ARHGAP6: variants seen among roughly 807,000 people sequenced by gnomAD.
The protein encoded by ARHGAP6 is rho GTPase-activating protein 6.
Under a neutral mutation model 55.7 loss-of-function variants are expected in ARHGAP6, and 16 were observed. That is an observed-to-expected ratio of 0.29 (90% CI 0.19 to 0.44). ARHGAP6 has a LOEUF of 0.44. Among genes scored for constraint, ARHGAP6 ranks in the 20% least tolerant of loss-of-function variants. The pLI, the probability that ARHGAP6 is intolerant of heterozygous loss-of-function variation, is 1.00. For synonymous variants in ARHGAP6, 382 were observed against 360.9 expected (o/e 1.06, Z -0.66); for missense variants, 698 against 808.9 (o/e 0.86, Z 1.66).
At chrX:11,181,008 G>A (rs2046307438) in intron 6 of ARHGAP6, among the ~76,000 whole-genome samples, 1 of 112,563 alleles carries the variant, frequency 8.9e-6, no homozygotes, top group Admixed American at 9.4e-5. Flanking sequence ...AGCCTTGACA[G>A]AAGTGGGTCA....
intron 1 of ARHGAP6, among the ~76,000 whole-genome samples, chrX:11,569,159 T>C (rs1053896819): frequency 9.0e-6 from 1 of 111,388 alleles, no homozygotes; most frequent in African/African-American, 3.3e-5. Context: ...CTAGGGGTCA[T>C]GTGGCAGTGT....
intron 1 of ARHGAP6, among the ~76,000 whole-genome samples, chrX:11,605,996 G>A (rs926583110): frequency 1.8e-5 from 2 of 110,688 alleles, no homozygotes; most frequent in African/African-American, 6.6e-5. Context: ...GAGGAAGCTA[G>A]GTGGGGAATG....
At chrX:11,209,318 C>T (rs1444431435) in intron 2 of ARHGAP6, among the ~76,000 whole-genome samples, 3 of 110,855 alleles carry the variant, frequency 2.7e-5, no homozygotes, top group African/African-American at 6.6e-5. Flanking sequence ...ATTTTTTCTG[C>T]GTTTTTGGGA....
intron 6 of ARHGAP6, 111 bp downstream of exon 6, chrX:11,181,950 TAA>T (rs754110970): frequency 0.047 from 21,097 of 446,197 alleles, no homozygotes; most frequent in East Asian, 0.063. Context: ...GCTTGGAGGG[TAA>T]AAAAAAAAAA....
At chrX:11,153,297 C>T (rs1206253220) in intron 10 of ARHGAP6, among the ~76,000 whole-genome samples, 2 of 109,806 alleles carry the variant, frequency 1.8e-5, no homozygotes, top group South Asian at 7.9e-4. Flanking sequence ...GAGGCTGAGG[C>T]GGATGGATCA....
At chrX:11,315,467 G>A (rs909033932) in intron 1 of ARHGAP6, among the ~76,000 whole-genome samples, 5 of 111,917 alleles carry the variant, frequency 4.5e-5, no homozygotes, top group African/African-American at 1.6e-4. Context: ...TTCTTAATAG[G>A]CCATGGACTG....
At chrX:11,601,698 T>A (rs1041710707) in intron 1 of ARHGAP6, among the ~76,000 whole-genome samples, 1 of 111,872 alleles carries the variant, frequency 8.9e-6, no homozygotes, top group Non-Finnish European at 1.9e-5. Flanking sequence ...GTCTACTATG[T>A]GCCGGCCAAT....
chrX:11,218,311 C>T (rs1267450857), intron 2 of ARHGAP6, among the ~76,000 whole-genome samples: 1 of 111,823 alleles, frequency 8.9e-6, no homozygotes, highest in Non-Finnish European at 1.9e-5. Flanking sequence ...GCAGTATGGC[C>T]ATTTTCACAA....
At chrX:11,293,472 T>C (rs1212114267) in intron 1 of ARHGAP6, 1 of 112,322 alleles carries the variant, frequency 8.9e-6, no homozygotes, top group Non-Finnish European at 1.9e-5. Flanking sequence ...TTCAAAGGTA[T>C]GTGGATTTTA....
intron 1 of ARHGAP6, among the ~76,000 whole-genome samples, chrX:11,468,916 G>T (rs1410549095): frequency 2.7e-5 from 3 of 112,489 alleles, no homozygotes; most frequent in Non-Finnish European, 5.6e-5. Context: ...AGGTATGAGG[G>T]TGGAGCCTTC....
chrX:11,483,311 A>G (rs1257562926), intron 1 of ARHGAP6, among the ~76,000 whole-genome samples: 1 of 112,023 alleles, frequency 8.9e-6, no homozygotes, highest in Non-Finnish European at 1.9e-5. Flanking sequence ...TAAACCACTC[A>G]TGTTAACTCC....
At chrX:11,230,867 A>C (rs889626648) in intron 2 of ARHGAP6, among the ~76,000 whole-genome samples, 1 of 110,682 alleles carries the variant, frequency 9.0e-6, no homozygotes, top group African/African-American at 3.3e-5. Context: ...CCACCATAGC[A>C]TTCCCCACTA....
chrX:11,300,693 T>A (rs2048162070), intron 1 of ARHGAP6: 2 of 953,075 alleles, frequency 2.1e-6, no homozygotes, highest in Admixed American at 4.7e-5. Flanking sequence ...TTGCTTATAA[T>A]CACTTTACTT....
chrX:11,457,115 CTG>C (rs1390437799), intron 1 of ARHGAP6, among the ~76,000 whole-genome samples: 1 of 111,946 alleles, frequency 8.9e-6, no homozygotes, highest in African/African-American at 3.3e-5. Context: ...TCCCCAAAAA[CTG>C]TGATAGGTCT....
intron 1 of ARHGAP6, among the ~76,000 whole-genome samples, chrX:11,394,018 A>G (rs1480982376): frequency 1.8e-5 from 2 of 111,480 alleles, no homozygotes; most frequent in Non-Finnish European, 3.8e-5. Flanking sequence ...TAGGGTGAGT[A>G]GTTGATCCAG....
At chrX:11,497,809 A>G (rs750392092) in intron 1 of ARHGAP6, among the ~76,000 whole-genome samples, 1 of 110,315 alleles carries the variant, frequency 9.1e-6, no homozygotes, top group South Asian at 3.9e-4. Context: ...ATTGATCACT[A>G]CTTGAACAAC....
chrX:11,459,712 A>C (rs1603217737), intron 1 of ARHGAP6, among the ~76,000 whole-genome samples: 1 of 111,844 alleles, frequency 8.9e-6, no homozygotes, highest in Non-Finnish European at 1.9e-5. Flanking sequence ...TGAAATCACC[A>C]GTTTCATTCA....
chrX:11,620,209 G>A (rs188081127), intron 1 of ARHGAP6, among the ~76,000 whole-genome samples: 87 of 112,014 alleles, frequency 7.8e-4, no homozygotes, highest in Non-Finnish European at 1.4e-3. Context: ...AGAAGCAAAA[G>A]CATAATCAAG....
At chrX:11,294,030 C>A (rs2048040256) in intron 1 of ARHGAP6, among the ~76,000 whole-genome samples, 1 of 112,363 alleles carries the variant, frequency 8.9e-6, no homozygotes, top group Non-Finnish European at 1.9e-5. Flanking sequence ...CTTAATGTCC[C>A]AAGGGTCTTA....
Sources: gnomAD v4.1 joint callset for allele counts (sites outside exome capture counted in the v4.1 genomes callset) on GRCh38, gnomAD v4.1.1 for gene constraint, MANE v1.5 for transcripts, NCBI Gene and HGNC (gene_info 2026-07-23, HGNC 2026-07-21) for gene names.